Variants in CPA3 observed in about 807,000 individuals in gnomAD.
CPA3 encodes carboxypeptidase A3.
A neutral mutation model predicts 55.8 loss-of-function variants in CPA3; 52 were observed. That is an observed-to-expected ratio of 0.93 (90% CI 0.75 to 1.17). The LOEUF is 1.17. Ranked by LOEUF, CPA3 falls within the 50% of genes most tolerant of loss-of-function variation. The pLI is 0.00. For missense variants in CPA3, 547 were observed against 509.1 expected (o/e 1.07, Z -0.72); for synonymous variants, 179 against 171.2 (o/e 1.05, Z -0.36).
Position 148,873,259 on chromosome 3 carries a change from C to T in CPA3, c.269+4220C>T, listed in dbSNP as rs569258146. Among the ~76,000 whole-genome samples, 88 of 152,258 alleles carry T rather than the reference C, an allele frequency of 5.8e-4. 1 individual carries two copies. The highest frequency in any genetic ancestry group is 3.5e-3 in the Admixed American group (54 of 15,304). On this transcript the variant is annotated intron_variant, in intron 3 of 10. Transcript: ENST00000296046. ...ACCTGAAACCATGCTTTTTGAATAG[C>T]ACCATATCCTGATGTAATGTGGGCA... is the stretch of plus-strand genomic sequence containing the variant.
intron 3 of CPA3, among the ~76,000 whole-genome samples, chr3:148,876,451 A>C (rs1335043430): frequency 6.6e-6 from 1 of 151,194 alleles, no homozygotes; most frequent in Admixed American, 6.6e-5. Flanking sequence ...ATCTCAGCTC[A>C]CTGCAACCTC....
intron 9 of CPA3, among the ~76,000 whole-genome samples, chr3:148,885,753 C>T (rs537732891): frequency 2.0e-5 from 3 of 152,154 alleles, no homozygotes; most frequent in Non-Finnish European, 2.9e-5. Flanking sequence ...ATAAGTTTCT[C>T]GTTTAACCAT....
rs1714842991 is a variant in CPA3 at position 148,896,749 on chromosome 3, T to G, written c.*42T>G. 7.1e-7 allele frequency: 1 copy of G among 1,406,028 alleles called. No homozygotes were observed. The allele number at this position is 1,406,028 out of a possible 1,614,324, so 87.1% of individuals were successfully genotyped here. On this transcript the variant is annotated 3_prime_UTR_variant, in exon 11 of 11. Transcript: ENST00000296046. ...TGGAATAAGCCAATTAATCCTTTTT[T>G]GTGCCTTTCATCAGAAAGTCAATCT...
At position 148,878,449 on chromosome 3, in the gene CPA3, T is replaced by C; in HGVS notation, c.278T>C (p.Ile93Thr). 5 of 1,605,830 alleles carry C rather than the reference T, an allele frequency of 3.1e-6. No individual in the cohort carries two copies. The highest frequency in any genetic ancestry group is 4.3e-6 in the Non-Finnish European group (5 of 1,172,542). Residue 93 changes from isoleucine (I) to threonine (T), a missense_variant, in exon 4 of 11, where the codon ATT becomes ACT. Coordinates refer to ENST00000296046, the MANE Select transcript of CPA3 (RefSeq NM_001870.4). ...DQNKMHYEIL[I>T]HDLQEEIEKQ... Reference sequence around the variant, plus strand: ...ATTCCCCTGTCAAACAGAATCTTGATTCATGATCTACAAGAAGAGATTGAG... The same window carrying C: ...ATTCCCCTGTCAAACAGAATCTTGACTCATGATCTACAAGAAGAGATTGAG...
At chr3:148,869,913 T>A (rs1010216340) in intron 3 of CPA3, 8 of 152,106 alleles carry the variant, frequency 5.3e-5, no homozygotes, top group Non-Finnish European at 1.0e-4. Flanking sequence ...GCCAATATGG[T>A]GACAACCCAT....
At chr3:148,886,619 T>C (rs567233313) in intron 10 of CPA3, among the ~76,000 whole-genome samples, 1 of 152,108 alleles carries the variant, frequency 6.6e-6, no homozygotes, top group South Asian at 2.1e-4. Flanking sequence ...CATTTGGGCC[T>C]GGGAGGTCAA....
rs10693111 is a variant in CPA3 at position 148,889,869 on chromosome 3, C to CAAA, written c.1066+3708_1066+3710dup. 2.6e-3 allele frequency among the ~76,000 whole-genome samples: 291 copies of CAAA among 110,034 alleles called. 7 individuals are homozygous for CAAA. The highest frequency in any genetic ancestry group is 5.3e-3 in the East Asian group (21 of 3,948). 72.2% of individuals were successfully genotyped at this position (110,034 alleles called of 152,430 possible). A position where few individuals can be genotyped will look rare whatever the true frequency, so the allele number is the denominator to read the frequency against. ...TGGGTGAAAGAGCAAAACTCCATCT[C>CAAA]AAAAAAAAAAAAAAAAAAGAATCAT... On this transcript the variant is annotated intron_variant, in intron 10 of 10. Coordinates refer to ENST00000296046, the MANE Select transcript of CPA3 (RefSeq NM_001870.4).
chr3:148,868,790 G>A, intron 2 of CPA3, 125 bp from the exon 3 acceptor site: 1 of 987,350 alleles, frequency 1.0e-6, no homozygotes, highest in Non-Finnish European at 1.4e-6. Context: ...TTAAAAGAAG[G>A]GTCTGTATCT....
chr3:148,876,204 A>G (rs1183000874), intron 3 of CPA3, among the ~76,000 whole-genome samples: 2 of 32,398 alleles, frequency 6.2e-5, no homozygotes, highest in Non-Finnish European at 1.9e-4. Flanking sequence ...AACTGGTAAA[A>G]TATATATATA....
chr3:148,869,374 T>C (rs868099310), intron 3 of CPA3, among the ~76,000 whole-genome samples: 15 of 152,092 alleles, frequency 9.9e-5, no homozygotes, highest in South Asian at 6.2e-4. Flanking sequence ...TCATCACTAC[T>C]GACAGGTAAT....
At chr3:148,886,650 G>A (rs915783776) in intron 10 of CPA3, among the ~76,000 whole-genome samples, 2 of 152,078 alleles carry the variant, frequency 1.3e-5, no homozygotes, top group African/African-American at 2.4e-5. Context: ...AGCTGTGATC[G>A]TGCCACGGCA....
At position 148,865,357 on chromosome 3, in the gene CPA3, C is replaced by T. The variant is rs1348980353; in HGVS notation, c.50C>T (p.Ala17Val). ...VGLIATTLAI[A>V]PVRFDREKVF... ...TTGATTGCTACCACTCTTGCAATTG[C>T]TCCTGTCCGCTTTGACAGGTAAATC... The change falls in exon 1 of 11, where the codon GCT becomes GTT. Residue 17 changes from alanine to valine, a missense_variant. Ala to Val is a moderately conservative substitution (Grantham distance 64). Transcript: ENST00000296046. 4 of 1,614,102 alleles carry T rather than the reference C, an allele frequency of 2.5e-6. No individual in the cohort carries two copies. Among genetic ancestry groups the T allele is most frequent in the African/African-American group, 1.3e-5 (1 of 75,022 alleles).
chr3:148,884,297 CTAAGAA>C (rs1243445676), intron 9 of CPA3, among the ~76,000 whole-genome samples: 1 of 152,124 alleles, frequency 6.6e-6, no homozygotes, highest in African/African-American at 2.4e-5. Context: ...AGCTTCTTCA[CTAAGAA>C]TATGTTATCT....
intron 10 of CPA3, among the ~76,000 whole-genome samples, chr3:148,893,013 G>C (rs779455232): frequency 9.9e-5 from 15 of 152,054 alleles, no homozygotes; most frequent in Non-Finnish European, 2.1e-4. Context: ...AAGTAGGCCA[G>C]GGCCTGTTTA....
chr3:148,870,810 A>T lies in CPA3; in HGVS notation c.269+1771A>T, dbSNP rs150808167. Among the ~76,000 whole-genome samples, 1,043 of 152,350 alleles carry T rather than the reference A, an allele frequency of 6.8e-3. 4 individuals carry two copies. The highest frequency in any genetic ancestry group is 0.011 in the Non-Finnish European group (773 of 68,040). On this transcript the variant is annotated intron_variant, in intron 3 of 10. Coordinates refer to ENST00000296046, the MANE Select transcript of CPA3 (RefSeq NM_001870.4). ...AGACTGCAGAAATTTGTATTACATT[A>T]TCTGTTTACATTAAGGTTCAGATAA... is the stretch of plus-strand genomic sequence containing the variant.
rs375706071 is a variant in CPA3 at position 148,896,750 on chromosome 3, G to C, written c.*43G>C. On this transcript the variant is annotated 3_prime_UTR_variant, in exon 11 of 11. Coordinates refer to ENST00000296046, the MANE Select transcript of CPA3 (RefSeq NM_001870.4). ...GGAATAAGCCAATTAATCCTTTTTT[G>C]TGCCTTTCATCAGAAAGTCAATCTT... 1 of 1,400,748 alleles carries C rather than the reference G, an allele frequency of 7.1e-7. No individual in the cohort carries two copies. The highest frequency in any genetic ancestry group is 1.4e-5 in the African/African-American group (1 of 70,470). 86.8% of individuals were successfully genotyped at this position (1,400,748 alleles called of 1,614,324 possible).
chr3:148,875,898 T>A (rs1197737174), intron 3 of CPA3, among the ~76,000 whole-genome samples: 1 of 152,148 alleles, frequency 6.6e-6, no homozygotes, highest in Non-Finnish European at 1.5e-5. Flanking sequence ...TAAGTTTTCC[T>A]GTAAAAAGCA....
intron 10 of CPA3, among the ~76,000 whole-genome samples, chr3:148,892,239 A>G (rs1014614754): frequency 1.3e-5 from 2 of 152,128 alleles, no homozygotes; most frequent in African/African-American, 4.8e-5. Flanking sequence ...CTCCTCATCA[A>G]GAAATAACCT....
At chr3:148,869,084 T>C in intron 3 of CPA3, 45 bp downstream of exon 3, 1 of 1,602,096 alleles carries the variant, frequency 6.2e-7, no homozygotes, top group South Asian at 1.1e-5. Context: ...ATTCAAAGTT[T>C]TGGGAGCCTT....
Sources: gnomAD v4.1 joint callset for allele counts (sites outside exome capture counted in the v4.1 genomes callset) on GRCh38, gnomAD v4.1.1 for gene constraint, MANE v1.5 for transcripts, NCBI Gene and HGNC (gene_info 2026-07-23, HGNC 2026-07-21) for gene names.